TMPRSS9: variants seen among roughly 807,000 people sequenced by gnomAD.
The protein encoded by TMPRSS9 is transmembrane protease serine 9.
A neutral mutation model predicts 111.4 loss-of-function variants in TMPRSS9; 113 were observed. The ratio of observed to expected loss-of-function variants is 1.01; its 90% CI spans 0.87 to 1.19. The LOEUF is 1.19. Among genes scored for constraint, TMPRSS9 ranks in the 50% most tolerant of loss-of-function variants. The pLI is 0.00. For missense variants in TMPRSS9, 1,803 were observed against 1,513.1 expected, an observed-to-expected ratio of 1.19 and a Z score of -3.18; for synonymous variants, 805 against 659.1, an observed-to-expected ratio of 1.22 and a Z score of -3.39.
exon 18 of TMPRSS9, chr19:2,426,001 C>A (rs1438562970): frequency 1.2e-6 from 2 of 1,607,836 alleles, no homozygotes; most frequent in Non-Finnish European, 1.7e-6. Flanking sequence ...CTAGCTGGGG[C>A]TATGGCTGTG....
Position 2,408,341 on chromosome 19 carries a change from G to T in TMPRSS9, c.843-15G>T, listed in dbSNP as rs768615023. The T allele has an allele frequency of 5.0e-6, 8 of 1,608,578 alleles. No individual in the cohort carries two copies. Among genetic ancestry groups the T allele is most frequent in the South Asian group, 1.1e-5 (1 of 90,942 alleles). Reference sequence around the variant, plus strand: ...TGACCCTCGGTGGCTTCTGAGCTGGGGTTTGCTCCTGCAGGTTCCAAGACC... The same window carrying T: ...TGACCCTCGGTGGCTTCTGAGCTGGTGTTTGCTCCTGCAGGTTCCAAGACC... On this transcript the variant is annotated splice_polypyrimidine_tract_variant and intron_variant, in intron 7 of 17. Coordinates refer to ENST00000648592, the Ensembl canonical transcript of TMPRSS9.
intron 1 of TMPRSS9, among the ~76,000 whole-genome samples, chr19:2,380,935 C>T (rs1372410635): frequency 6.6e-6 from 1 of 152,108 alleles, no homozygotes; most frequent in African/African-American, 2.4e-5. Context: ...CCTATTTATC[C>T]TTCCGAACTT....
Position 2,374,339 on chromosome 19 carries a change from G to A in TMPRSS9, c.-26+13979G>A, listed in dbSNP as rs187134962. ...TGTAATCCCCGCACTTTGGGAGGCC[G>A]AGGCCGGTGGATCACCTGAGGTCAG... On this transcript the variant is annotated intron_variant, in intron 1 of 17. Transcript: ENST00000649857. Among the ~76,000 whole-genome samples, 3 of 143,980 alleles carry A rather than the reference G, an allele frequency of 2.1e-5. No homozygotes were observed. In the East Asian group the frequency reaches 6.6e-4, roughly 32 times the overall value. The allele number at this position is 143,980 out of a possible 152,430, so 94.5% of individuals were successfully genotyped here.
At chr19:2,418,322 C>CTT (rs1971318990) in intron 13 of TMPRSS9, among the ~76,000 whole-genome samples, 184 bp downstream of exon 14, 1 of 47,988 alleles carries the variant, frequency 2.1e-5, no homozygotes, top group African/African-American at 1.6e-4. Flanking sequence ...TCCCTCCCTC[C>CTT]CTCCCTCCCT....
chr19:2,377,327 G>A (rs1250355282), intron 1 of TMPRSS9, among the ~76,000 whole-genome samples: 1 of 146,962 alleles, frequency 6.8e-6, no homozygotes, highest in Non-Finnish European at 1.5e-5. Flanking sequence ...TTGAGATGGG[G>A]TCTCACTGTG....
At position 2,399,179 on chromosome 19, in the gene TMPRSS9, C is replaced by T. The variant is rs375282637; in HGVS notation, c.500C>T (p.Ser167Leu). 5.2e-5 allele frequency: 84 copies of T among 1,602,300 alleles called. 1 individual carries two copies. The highest frequency in any genetic ancestry group is 3.1e-4 in the South Asian group (28 of 89,202). ...CTGGCTGCCTATGGCACAATTGTGT[C>T]GGCTGAGCTCACAGGTGAGTGGGCA... The change falls in exon 4 of 18, where the codon TCG becomes TTG. Residue 167 changes from serine to leucine, a missense_variant. Physicochemically the swap from Ser to Leu is moderately radical, Grantham distance 145 (BLOSUM62 -2). Transcript: ENST00000648592.
intron 13 of TMPRSS9, among the ~76,000 whole-genome samples, chr19:2,419,631 C>G (rs1450009387): frequency 6.6e-6 from 1 of 152,042 alleles, no homozygotes; most frequent in African/African-American, 2.4e-5. Context: ...ATTCTCCTGC[C>G]TCAGCCTCTG....
intron 1 of TMPRSS9, among the ~76,000 whole-genome samples, chr19:2,369,011 G>T (rs1970269885): frequency 6.6e-6 from 1 of 150,972 alleles, no homozygotes; most frequent in African/African-American, 2.4e-5. Context: ...TAGTGCAAAG[G>T]TGTGATCTCG....
chr19:2,410,322 C>T (rs774568256), exon 9 of TMPRSS9: 2 of 1,614,094 alleles, frequency 1.2e-6, no homozygotes, highest in Non-Finnish European at 8.5e-7. Flanking sequence ...TGTGTGCCAG[C>T]TTGTACGGCC....
At chr19:2,413,890 C>G in exon 10 of TMPRSS9, 2 of 1,613,368 alleles carry the variant, frequency 1.2e-6, no homozygotes, top group Non-Finnish European at 1.7e-6. Flanking sequence ...ACCATGGCTC[C>G]TGCCCCTGCC....
exon 2 of TMPRSS9, chr19:2,396,654 C>G (rs1273273627): frequency 6.2e-7 from 1 of 1,608,568 alleles, no homozygotes; most frequent in East Asian, 2.2e-5. Flanking sequence ...TGACGCCCAC[C>G]CTGGAGGCAC....
intron 9 of TMPRSS9, among the ~76,000 whole-genome samples, chr19:2,410,867 C>T (rs1169463709): frequency 6.6e-6 from 1 of 152,146 alleles, no homozygotes. Flanking sequence ...AGAAACACCT[C>T]TTGTATGAAT....
intron 1 of TMPRSS9, among the ~76,000 whole-genome samples, chr19:2,374,609 A>G (rs927924435): frequency 2.6e-5 from 4 of 151,958 alleles, no homozygotes; most frequent in Non-Finnish European, 5.9e-5. Context: ...ACACCCCTCA[A>G]AAACAGGGTC....
At chr19:2,379,623 T>TTCTTTCTTTCTTTC (rs1555676540) in intron 1 of TMPRSS9, among the ~76,000 whole-genome samples, 1 of 130,150 alleles carries the variant, frequency 7.7e-6, no homozygotes, top group African/African-American at 3.1e-5. Context: ...TTCTCTTTCT[T>TTCTTTCTTTCTTTC]TCTTTCTTTC....
At chr19:2,385,436 C>T (rs541678787), upstream of TMPRSS9, among the ~76,000 whole-genome samples, 1 of 152,230 alleles carries the variant, frequency 6.6e-6, no homozygotes, top group African/African-American at 2.4e-5. Flanking sequence ...ATGAACGTTG[C>T]GGTGTTGCCG....
chr19:2,389,700 T>C (rs1970545160), upstream of TMPRSS9: 5 of 1,489,504 alleles, frequency 3.4e-6, no homozygotes, highest in Non-Finnish European at 2.7e-6. Flanking sequence ...CCCTTGCTTA[T>C]GGGAAGAGAA....
At chr19:2,388,910 C>G (rs371883380), upstream of TMPRSS9, among the ~76,000 whole-genome samples, 254 of 152,118 alleles carry the variant, frequency 1.7e-3, no homozygotes, top group African/African-American at 6.0e-3. Flanking sequence ...AGGTGTGAGC[C>G]ACCACGCCTG....
At chr19:2,396,597 G>T in exon 2 of TMPRSS9, 1 of 1,611,928 alleles carries the variant, frequency 6.2e-7, no homozygotes, top group South Asian at 1.1e-5. Context: ...GGGGAATCCG[G>T]TGGACCAGCA....
At chr19:2,381,364 G>A (rs1057187689) in intron 1 of TMPRSS9, among the ~76,000 whole-genome samples, 1 of 145,764 alleles carries the variant, frequency 6.9e-6, no homozygotes, top group Non-Finnish European at 1.5e-5. Context: ...GTGTGTGTGC[G>A]TGTGTGTGTG....
Sources: allele counts gnomAD v4.1 joint callset (sites outside exome capture counted in the v4.1 genomes callset), GRCh38; gene constraint gnomAD v4.1.1; transcripts MANE v1.5; gene names NCBI Gene and HGNC (gene_info 2026-07-23, HGNC 2026-07-21).